The following LUZP2 variants were observed in gnomAD, a reference collection of about 807,000 sequenced individuals.
LUZP2 encodes leucine zipper protein 2.
LUZP2 carries 52 observed loss-of-function variants against 51.6 expected under a neutral mutation model. That is an observed-to-expected ratio of 1.01 (90% CI 0.81 to 1.27). LUZP2 has a LOEUF of 1.27. LUZP2 is among the 50% of genes most tolerant of loss of function. The pLI is 0.00. For synonymous variants in LUZP2, 154 were observed against 137.3 expected, an observed-to-expected ratio of 1.12 and a Z score of -0.85; for missense variants, 436 against 395.4, an observed-to-expected ratio of 1.10 and a Z score of -0.87.
intron 7 of LUZP2, among the ~76,000 whole-genome samples, chr11:24,918,256 A>G (rs1853867308): frequency 6.6e-6 from 1 of 152,120 alleles, no homozygotes; most frequent in Non-Finnish European, 1.5e-5. Flanking sequence ...GGGGTTTTCT[A>G]GATATACAAT....
At chr11:24,957,307 T>A (rs1431903103) in intron 7 of LUZP2, among the ~76,000 whole-genome samples, 1 of 152,202 alleles carries the variant, frequency 6.6e-6, no homozygotes, top group Non-Finnish European at 1.5e-5. Context: ...CAATGTAGAA[T>A]AATTGAATCA....
intron 1 of LUZP2, among the ~76,000 whole-genome samples, chr11:24,620,734 A>G (rs1402270588): frequency 6.6e-6 from 1 of 152,170 alleles, no homozygotes; most frequent in Non-Finnish European, 1.5e-5. Context: ...CATGCTCCAG[A>G]ATGGACATAT....
chr11:24,715,371 T>C (rs1031617866), intron 1 of LUZP2, among the ~76,000 whole-genome samples: 1 of 151,126 alleles, frequency 6.6e-6, no homozygotes, highest in Non-Finnish European at 1.5e-5. Flanking sequence ...TCATATTCTA[T>C]AGGAAGTAAT....
chr11:24,743,798 C>T (rs912611751), intron 4 of LUZP2, among the ~76,000 whole-genome samples: 4 of 152,016 alleles, frequency 2.6e-5, no homozygotes, highest in African/African-American at 7.2e-5. Context: ...TTCAACTTTT[C>T]CCCATTTAGT....
chr11:24,776,706 T>G (rs1848936002), intron 5 of LUZP2, among the ~76,000 whole-genome samples: 1 of 152,158 alleles, frequency 6.6e-6, no homozygotes, highest in Non-Finnish European at 1.5e-5. Context: ...GGATCTTCAC[T>G]CTTCATCTTT....
chr11:24,668,494 G>T (rs184144279), intron 1 of LUZP2, among the ~76,000 whole-genome samples: 1 of 152,270 alleles, frequency 6.6e-6, no homozygotes, highest in East Asian at 1.9e-4. Context: ...AGCAACCCTT[G>T]TAAAGAGAAT....
chr11:24,796,268 G>C (rs866530942), intron 5 of LUZP2, among the ~76,000 whole-genome samples: 1 of 152,032 alleles, frequency 6.6e-6, no homozygotes, highest in South Asian at 2.1e-4. Flanking sequence ...ACATGGGTTA[G>C]TCTTTTTGAA....
At chr11:24,982,837 C>T (rs1856075676) in intron 8 of LUZP2, among the ~76,000 whole-genome samples, 1 of 151,708 alleles carries the variant, frequency 6.6e-6, no homozygotes, top group Non-Finnish European at 1.5e-5. Context: ...AGTATATTTC[C>T]TTTCCTGCAA....
intron 10 of LUZP2, among the ~76,000 whole-genome samples, chr11:25,075,922 C>G (rs1481911689): frequency 6.6e-6 from 1 of 152,042 alleles, no homozygotes; most frequent in Non-Finnish European, 1.5e-5. Flanking sequence ...TCTCTATCCC[C>G]TGATTCATCG....
intron 7 of LUZP2, among the ~76,000 whole-genome samples, chr11:24,940,890 C>T (rs1854728007): frequency 6.6e-6 from 1 of 152,092 alleles, no homozygotes; most frequent in African/African-American, 2.4e-5. Context: ...TGTGAATCTA[C>T]AAACTAATAG....
intron 5 of LUZP2, among the ~76,000 whole-genome samples, chr11:24,781,302 T>A (rs1314396590): frequency 1.3e-5 from 2 of 152,100 alleles, no homozygotes. Flanking sequence ...TGTCCCCTTT[T>A]TCCTCCTCCT....
chr11:24,646,283 T>C (rs1027306945), intron 1 of LUZP2, among the ~76,000 whole-genome samples: 5 of 152,070 alleles, frequency 3.3e-5, no homozygotes, highest in Non-Finnish European at 1.5e-5. Flanking sequence ...AACCAAATTA[T>C]TTTCTACAAA....
intron 3 of LUZP2, among the ~76,000 whole-genome samples, chr11:24,734,851 T>A (rs1160157548): frequency 6.6e-6 from 1 of 151,882 alleles, no homozygotes; most frequent in Non-Finnish European, 1.5e-5. Flanking sequence ...CATTGCCATT[T>A]GGTCACATCC....
chr11:24,809,070 T>C (rs961007597), intron 5 of LUZP2, among the ~76,000 whole-genome samples: 3 of 152,132 alleles, frequency 2.0e-5, no homozygotes, highest in African/African-American at 4.8e-5. Flanking sequence ...CATATTTTCA[T>C]ATTAAGAACT....
chr11:24,736,527 G>T, intron 3 of LUZP2, among the ~76,000 whole-genome samples: 1 of 145,888 alleles, frequency 6.9e-6, no homozygotes, highest in South Asian at 2.1e-4. Flanking sequence ...TTCCTTCTCA[G>T]TAGAGATAGT....
intron 8 of LUZP2, among the ~76,000 whole-genome samples, chr11:24,980,019 A>G (rs1412011694): frequency 6.6e-6 from 1 of 151,802 alleles, no homozygotes; most frequent in African/African-American, 2.4e-5. Flanking sequence ...CCTGAATATC[A>G]CTGGAGCAGA....
chr11:24,828,982 G>A (rs760136383), intron 5 of LUZP2, among the ~76,000 whole-genome samples: 4 of 152,240 alleles, frequency 2.6e-5, no homozygotes, highest in Non-Finnish European at 4.4e-5. Context: ...GGACAAGGAC[G>A]TTGATATGTC....
intron 7 of LUZP2, among the ~76,000 whole-genome samples, chr11:24,961,760 AT>A (rs1855416338): frequency 6.6e-6 from 1 of 151,066 alleles, no homozygotes; most frequent in Non-Finnish European, 1.5e-5. Context: ...TAAAGTTAAT[AT>A]TGTTATGTGT....
At position 24,788,881 on chromosome 11, in the gene LUZP2, A is replaced by G. The variant is rs568218668; in HGVS notation, c.396+25573A>G. On this transcript the variant is annotated intron_variant, in intron 5 of 11. Transcript: ENST00000336930. ...TTGAATGCTTGGACAAGGCCCACCC[A>G]CATTATGAAGGGCAATCTCTTTACT... Among the ~76,000 whole-genome samples the G allele has an allele frequency of 3.9e-5, 6 of 152,138 alleles. No homozygotes were observed. The South Asian group carries it at 1.0e-3, about 26-fold the overall frequency.
Sources: gnomAD v4.1 joint callset for allele counts (sites outside exome capture counted in the v4.1 genomes callset) on GRCh38, gnomAD v4.1.1 for gene constraint, MANE v1.5 for transcripts, NCBI Gene and HGNC (gene_info 2026-07-23, HGNC 2026-07-21) for gene names.